The following TMEM266 variants were observed in gnomAD, a reference collection of about 807,000 sequenced individuals.
TMEM266 encodes the protein transmembrane protein 266, also known as Hv1 related protein 1.
A neutral mutation model predicts 50.5 loss-of-function variants in TMEM266; 33 were observed. That is an observed-to-expected ratio of 0.65 (90% CI 0.50 to 0.87). TMEM266 has a LOEUF of 0.87. TMEM266 is among the 40% of genes least tolerant of loss of function. The pLI, the probability that TMEM266 is intolerant of heterozygous loss-of-function variation, is 0.00. For missense variants in TMEM266, 655 were observed against 695.1 expected, an observed-to-expected ratio of 0.94 and a Z score of 0.65; for synonymous variants, 310 against 292.3, an observed-to-expected ratio of 1.06 and a Z score of -0.62.
At chr15:76,185,418 A>G (rs1229837826) in intron 8 of TMEM266, among the ~76,000 whole-genome samples, 8 of 152,150 alleles carry the variant, frequency 5.3e-5, no homozygotes, top group Non-Finnish European at 1.0e-4. Flanking sequence ...AAACCCATCC[A>G]ACCAACTACT....
chr15:76,171,391 T>C (rs1446159860), intron 7 of TMEM266, among the ~76,000 whole-genome samples: 1 of 152,210 alleles, frequency 6.6e-6, no homozygotes, highest in African/African-American at 2.4e-5. Context: ...AGCTATTTAC[T>C]GTGAGCCTGG....
Position 76,169,928 on chromosome 15 carries a change from A to G in TMEM266, c.513+56A>G, listed in dbSNP as rs1321150986. 14 of 1,564,024 alleles carry G rather than the reference A, an allele frequency of 9.0e-6. No individual in the cohort carries two copies. The Admixed American group carries it at 1.2e-4, about 13-fold the overall frequency. The stretch of plus-strand genomic sequence containing the variant: ...CACTCTGCCATCCTGGAAGCTGGAA[A>G]ACGTCATGTCCCATCCATTCCAGGG... On this transcript the variant is annotated intron_variant, in intron 6 of 10. Transcript: ENST00000388942.
At chr15:76,151,897 G>A (rs67241126) in intron 3 of TMEM266, among the ~76,000 whole-genome samples, 13,680 of 152,208 alleles carry the variant, frequency 0.09, 854 homozygotes, top group Non-Finnish European at 0.13. Context: ...CTGGAACAGC[G>A]GTTTTCCATC....
At chr15:76,072,840 GT>G (rs554244495) in intron 1 of TMEM266, among the ~76,000 whole-genome samples, 1 of 151,962 alleles carries the variant, frequency 6.6e-6, no homozygotes, top group Non-Finnish European at 1.5e-5. Context: ...GTTTCACCAT[GT>G]TGGCCAGGCT....
intron 1 of TMEM266, among the ~76,000 whole-genome samples, chr15:76,093,326 C>A (rs904921293): frequency 3.4e-5 from 5 of 146,792 alleles, no homozygotes; most frequent in African/African-American, 1.0e-4. Context: ...GTGTGATGTT[C>A]CCCTCCCTAT....
At chr15:76,138,222 CAAAAAAAA>C (rs376580547) in intron 3 of TMEM266, among the ~76,000 whole-genome samples, 37 of 71,876 alleles carry the variant, frequency 5.1e-4, no homozygotes, top group African/African-American at 1.4e-3. Flanking sequence ...AACTCTGTCT[CAAAAAAAA>C]AAAAAAAAAA....
intron 8 of TMEM266, among the ~76,000 whole-genome samples, chr15:76,185,847 G>A (rs1366832984): frequency 6.6e-6 from 1 of 152,206 alleles, no homozygotes; most frequent in Non-Finnish European, 1.5e-5. Context: ...TCCAGGTGGG[G>A]TCCTGGAGCT....
chr15:76,196,970 A>G (rs1489526196), intron 9 of TMEM266, among the ~76,000 whole-genome samples: 1 of 152,234 alleles, frequency 6.6e-6, no homozygotes, highest in East Asian at 1.9e-4. Flanking sequence ...ATAACTTATG[A>G]ATTACAGCCC....
At chr15:76,174,160 G>A (rs1478278079) in intron 7 of TMEM266, among the ~76,000 whole-genome samples, 1 of 152,176 alleles carries the variant, frequency 6.6e-6, no homozygotes, top group African/African-American at 2.4e-5. Flanking sequence ...AGGAGGAAGG[G>A]AAGAGGATAA....
chr15:76,169,034 G>A (rs2038144228), intron 5 of TMEM266, among the ~76,000 whole-genome samples: 2 of 152,232 alleles, frequency 1.3e-5, no homozygotes, highest in Admixed American at 6.5e-5. Flanking sequence ...GTAAGGCTTG[G>A]GGTTGTTGGG....
intron 1 of TMEM266, among the ~76,000 whole-genome samples, chr15:76,068,581 G>A (rs1031801532): frequency 1.3e-5 from 2 of 152,104 alleles, no homozygotes; most frequent in Non-Finnish European, 2.9e-5. Flanking sequence ...CATAAGGGTC[G>A]GTCCCTAATC....
At chr15:76,103,203 G>A (rs1373586772) in intron 1 of TMEM266, among the ~76,000 whole-genome samples, 2 of 152,116 alleles carry the variant, frequency 1.3e-5, no homozygotes, top group African/African-American at 2.4e-5. Context: ...TCGGATGTGG[G>A]GCATGAAAGG....
intron 8 of TMEM266, among the ~76,000 whole-genome samples, chr15:76,178,187 G>T (rs151081459): frequency 1.4e-4 from 22 of 152,284 alleles, no homozygotes; most frequent in African/African-American, 5.1e-4. Flanking sequence ...AGGACTGGGG[G>T]ATCTGCTCAG....
At chr15:76,080,886 CAGGCGTGCACCA>C (rs1182480528) in intron 1 of TMEM266, among the ~76,000 whole-genome samples, 41 of 152,210 alleles carry the variant, frequency 2.7e-4, no homozygotes, top group African/African-American at 9.1e-4. Flanking sequence ...GCTAGGACTA[CAGGCGTGCACCA>C]CTGTGCCCAG....
At chr15:76,078,697 A>T (rs1021089606) in intron 1 of TMEM266, among the ~76,000 whole-genome samples, 1 of 152,218 alleles carries the variant, frequency 6.6e-6, no homozygotes, top group African/African-American at 2.4e-5. Context: ...GAACCGAGGA[A>T]CTGCCAGGGC....
chr15:76,060,838 C>A (rs576727792), intron 1 of TMEM266, among the ~76,000 whole-genome samples: 14 of 152,312 alleles, frequency 9.2e-5, no homozygotes, highest in African/African-American at 3.1e-4. Flanking sequence ...TCACAGTCAC[C>A]AATACTGAGC....
At chr15:76,120,811 T>C (rs1323832896) in intron 1 of TMEM266, among the ~76,000 whole-genome samples, 1 of 150,244 alleles carries the variant, frequency 6.7e-6, no homozygotes, top group African/African-American at 2.4e-5. Flanking sequence ...AGATTAACAT[T>C]GGTATGTGTT....
At chr15:76,120,442 A>G (rs1436792059) in intron 1 of TMEM266, among the ~76,000 whole-genome samples, 2 of 152,136 alleles carry the variant, frequency 1.3e-5, no homozygotes, top group Non-Finnish European at 2.9e-5. Context: ...ATTTTTATAC[A>G]TAATTATATA....
At chr15:76,194,302 T>C (rs1328932053) in intron 9 of TMEM266, among the ~76,000 whole-genome samples, 1 of 152,262 alleles carries the variant, frequency 6.6e-6, no homozygotes, top group East Asian at 1.9e-4. Flanking sequence ...TCCTGATTAG[T>C]TGAAACAGCC....
Sources: gnomAD v4.1 joint callset for allele counts (sites outside exome capture counted in the v4.1 genomes callset) on GRCh38, gnomAD v4.1.1 for gene constraint, MANE v1.5 for transcripts, NCBI Gene and HGNC (gene_info 2026-07-23, HGNC 2026-07-21) for gene names.